Variants in DCC observed in about 807,000 individuals in gnomAD.
DCC encodes netrin receptor DCC.
DCC carries 58 observed loss-of-function variants against 172.5 expected under a neutral mutation model. The ratio of observed to expected loss-of-function variants is 0.34; its 90% CI spans 0.27 to 0.42. The LOEUF (loss-of-function observed/expected upper bound fraction) is 0.42. Ranked by LOEUF, DCC falls within the 10% of genes least tolerant of loss-of-function variation. The probability of loss-of-function intolerance (pLI) is 1.00; values close to 1 mark genes in which losing one functional copy is unlikely to be tolerated. For missense variants in DCC, 1,740 were observed against 1,791.0 expected, an observed-to-expected ratio of 0.97 and a Z score of 0.51; for synonymous variants, 709 against 644.5, an observed-to-expected ratio of 1.10 and a Z score of -1.52.
intron 1 of DCC, 76 bp from the exon 2 acceptor site, chr18:52,751,978 A>G (rs1396067839): frequency 5.5e-6 from 7 of 1,278,130 alleles, no homozygotes; most frequent in African/African-American, 1.5e-5. Context: ...AAAGCTTTGT[A>G]AAGAAAAGAC....
At chr18:52,406,219 A>G (rs201213313) in intron 1 of DCC, among the ~76,000 whole-genome samples, 4,561 of 150,726 alleles carry the variant, frequency 0.03, 126 homozygotes, top group South Asian at 0.12. Flanking sequence ...CATAAAAACC[A>G]GAGAAGAAAA....
intron 7 of DCC, among the ~76,000 whole-genome samples, chr18:53,098,776 G>A (rs1020060889): frequency 1.3e-5 from 2 of 152,126 alleles, no homozygotes; most frequent in African/African-American, 2.4e-5. Flanking sequence ...GGAGGCTATG[G>A]CATGAGAATT....
At chr18:52,420,707 G>T (rs149376240) in intron 1 of DCC, among the ~76,000 whole-genome samples, 1 of 152,144 alleles carries the variant, frequency 6.6e-6, no homozygotes, top group Non-Finnish European at 1.5e-5. Flanking sequence ...GTTAAAGCAG[G>T]TCTTGAAAGA....
intron 1 of DCC, among the ~76,000 whole-genome samples, chr18:52,396,689 T>C (rs1030563324): frequency 2.6e-5 from 4 of 152,064 alleles, no homozygotes; most frequent in African/African-American, 9.7e-5. Context: ...TTCAATAAAA[T>C]AGAATGGTGC....
chr18:52,917,147 A>G (rs2040054362), intron 3 of DCC, among the ~76,000 whole-genome samples: 1 of 150,432 alleles, frequency 6.6e-6, no homozygotes, highest in Non-Finnish European at 1.5e-5. Flanking sequence ...CAAAAAAAAA[A>G]AAACAAGAAA....
chr18:52,481,284 C>A (rs2029950545), intron 1 of DCC, among the ~76,000 whole-genome samples: 1 of 149,832 alleles, frequency 6.7e-6, no homozygotes, highest in South Asian at 2.1e-4. Context: ...CATGTGGCTG[C>A]AAGGCTGTAT....
intron 1 of DCC, among the ~76,000 whole-genome samples, chr18:52,378,087 G>A (rs7227278): frequency 0.17 from 25,278 of 151,800 alleles, 2,333 homozygotes; most frequent in African/African-American, 0.23. Context: ...GTATTTTCAT[G>A]TAGACTATCT....
At chr18:52,526,016 T>C (rs560463556) in intron 1 of DCC, among the ~76,000 whole-genome samples, 267 of 152,372 alleles carry the variant, frequency 1.8e-3, no homozygotes, top group Admixed American at 5.2e-3. Flanking sequence ...ATTTTCTTTA[T>C]ATAATAATGA....
intron 27 of DCC, among the ~76,000 whole-genome samples, chr18:53,515,524 C>T (rs1428466186): frequency 1.7e-3 from 247 of 146,368 alleles, no homozygotes; most frequent in African/African-American, 4.9e-3. Context: ...TGTTTGCAGA[C>T]GACATGATTG....
Position 52,363,674 on chromosome 18 carries a change from A to G in DCC, c.91+22796A>G, listed in dbSNP as rs189748734. Among the ~76,000 whole-genome samples, 24 of 152,328 alleles carry G rather than the reference A, an allele frequency of 1.6e-4. No individual in the cohort carries two copies. The East Asian group carries it at 3.5e-3, about 22-fold the overall frequency. ...TGGTCAATTAAAAAATATATATTTAAGCCATTTTCAGTGTTCAGCCAACAG... is the reference window on the plus strand; with the variant it reads ...TGGTCAATTAAAAAATATATATTTAGGCCATTTTCAGTGTTCAGCCAACAG... On this transcript the variant is annotated intron_variant, in intron 1 of 28. Transcript: ENST00000442544.
At chr18:52,792,101 G>A (rs1352616349) in intron 2 of DCC, among the ~76,000 whole-genome samples, 2 of 152,084 alleles carry the variant, frequency 1.3e-5, no homozygotes, top group Non-Finnish European at 2.9e-5. Flanking sequence ...GTGCCTCATG[G>A]AGAGAGTACC....
chr18:52,573,435 A>G (rs1352559693), intron 1 of DCC, among the ~76,000 whole-genome samples: 3 of 152,206 alleles, frequency 2.0e-5, no homozygotes, highest in Admixed American at 6.5e-5. Flanking sequence ...GGATTTAACA[A>G]TAAGTAGCAT....
intron 2 of DCC, among the ~76,000 whole-genome samples, chr18:52,882,277 A>G (rs973873514): frequency 6.0e-5 from 9 of 149,048 alleles, no homozygotes. Flanking sequence ...TTAGTTCTTT[A>G]TAGGGATCCT....
chr18:52,977,097 T>C (rs1177478440), intron 5 of DCC, among the ~76,000 whole-genome samples: 2 of 152,158 alleles, frequency 1.3e-5, no homozygotes, highest in Non-Finnish European at 2.9e-5. Flanking sequence ...ATGGTCACAC[T>C]TCTCGTGCAG....
intron 13 of DCC, among the ~76,000 whole-genome samples, chr18:53,317,226 A>T (rs910775733): frequency 2.6e-5 from 4 of 152,154 alleles, no homozygotes; most frequent in African/African-American, 9.7e-5. Flanking sequence ...CTTTGTGACA[A>T]AATATCTCAA....
At chr18:52,948,944 T>C (rs1568205556) in intron 5 of DCC, among the ~76,000 whole-genome samples, 1 of 152,168 alleles carries the variant, frequency 6.6e-6, no homozygotes, top group Non-Finnish European at 1.5e-5. Flanking sequence ...TCAGTGCAAC[T>C]CTAGATGTCA....
intron 7 of DCC, among the ~76,000 whole-genome samples, chr18:53,092,023 CTT>C (rs10558228): frequency 0.16 from 24,833 of 151,914 alleles, 2,618 homozygotes; most frequent in African/African-American, 0.3. Flanking sequence ...TGTGAACTAT[CTT>C]TATATGACAA....
At chr18:53,283,748 A>G (rs572974005) in intron 12 of DCC, among the ~76,000 whole-genome samples, 10 of 152,292 alleles carry the variant, frequency 6.6e-5, no homozygotes, top group Middle Eastern at 3.4e-3. Context: ...CAAATCTGCA[A>G]TTTTCCAAAA....
At chr18:52,981,419 C>G (rs980927822) in intron 5 of DCC, among the ~76,000 whole-genome samples, 2 of 152,022 alleles carry the variant, frequency 1.3e-5, no homozygotes, top group African/African-American at 2.4e-5. Context: ...TTTCTTCACC[C>G]TTGTAGAATC....
Sources: gnomAD v4.1 joint callset for allele counts (sites outside exome capture counted in the v4.1 genomes callset) on GRCh38, gnomAD v4.1.1 for gene constraint, MANE v1.5 for transcripts, NCBI Gene and HGNC (gene_info 2026-07-23, HGNC 2026-07-21) for gene names.